The following SRGAP1 variants were observed in gnomAD, a reference collection of about 807,000 sequenced individuals.
SRGAP1 encodes the protein SLIT-ROBO Rho GTPase activating protein 1.
In SRGAP1, 43 loss-of-function variants were observed where a neutral mutation model predicts 121.9. The ratio of observed to expected loss-of-function variants is 0.35; its 90% CI spans 0.28 to 0.46. The LOEUF is 0.46. Ranked by LOEUF, SRGAP1 falls within the 20% of genes least tolerant of loss-of-function variation. The probability of loss-of-function intolerance (pLI) is 1.00; values close to 1 mark genes in which losing one functional copy is unlikely to be tolerated. For missense variants in SRGAP1, 1,102 were observed against 1,350.9 expected (o/e 0.82, Z 2.89); for synonymous variants, 447 against 485.4 (o/e 0.92, Z 1.04).
At chr12:64,003,785 T>G (rs1013090909) in intron 3 of SRGAP1, among the ~76,000 whole-genome samples, 6 of 151,952 alleles carry the variant, frequency 3.9e-5, no homozygotes, top group African/African-American at 1.5e-4. Flanking sequence ...AAATTAAAAC[T>G]AGTTGAAAAA....
At position 64,139,941 on chromosome 12, in the gene SRGAP1, G is replaced by A. The variant is rs1480541999; in HGVS notation, c.2881-2354G>A. 2.2e-3 allele frequency among the ~76,000 whole-genome samples: 339 copies of A among 151,712 alleles called. 1 individual carries two copies. The highest frequency in any genetic ancestry group is 8.1e-3 in the African/African-American group (333 of 41,360). ...GTATAAGGTGTAAGGAAGGGATCCA[G>A]TTTCAGCTTTCTCCATATGGCTAGC... On this transcript the variant is annotated intron_variant, in intron 21 of 21. Coordinates refer to ENST00000355086, the MANE Select transcript of SRGAP1 (RefSeq NM_020762.4).
intron 1 of SRGAP1, among the ~76,000 whole-genome samples, chr12:63,918,415 T>C (rs2030889313): frequency 6.6e-6 from 1 of 152,176 alleles, no homozygotes; most frequent in Admixed American, 6.5e-5. Context: ...TTTTATGCTC[T>C]ATTGCTTTCT....
At chr12:63,928,582 G>T (rs2031348457) in intron 1 of SRGAP1, among the ~76,000 whole-genome samples, 1 of 151,898 alleles carries the variant, frequency 6.6e-6, no homozygotes, top group Non-Finnish European at 1.5e-5. Flanking sequence ...TTGGGTAGTG[G>T]TTACATGCAG....
Position 64,148,573 on chromosome 12 carries a change from T to C in SRGAP1, c.*5901T>C, listed in dbSNP as rs147042598. The C allele has an allele frequency of 2.0e-5, 3 of 152,162 alleles. No homozygotes were observed. Among genetic ancestry groups the C allele is most frequent in the African/African-American group, 7.2e-5 (3 of 41,472 alleles). 9.4% of individuals were successfully genotyped at this position (152,162 alleles called of 1,614,324 possible). On this transcript the variant is annotated 3_prime_UTR_variant, in exon 22 of 22. Coordinates refer to ENST00000355086, the MANE Select transcript of SRGAP1 (RefSeq NM_020762.4). ...GTGCTGGGATTACAGGTGTGAGCCA[T>C]TGCATCTGGCCAGGTATTTTTCTTT...
intron 1 of SRGAP1, among the ~76,000 whole-genome samples, chr12:63,949,396 T>TTTTTTA (rs1340353080): frequency 0.011 from 1,398 of 126,022 alleles, 32 homozygotes; most frequent in African/African-American, 0.041. Context: ...ATTTTTATTA[T>TTTTTTA]TTATTATTAT....
At chr12:64,119,585 CTTAAGT>C (rs918216082) in intron 18 of SRGAP1, among the ~76,000 whole-genome samples, 3 of 151,916 alleles carry the variant, frequency 2.0e-5, no homozygotes, top group Non-Finnish European at 2.9e-5. Context: ...CATTTTCTAA[CTTAAGT>C]TTAAGGCTTA....
chr12:63,981,866 A>G (rs1281416752), intron 1 of SRGAP1, among the ~76,000 whole-genome samples: 1 of 152,208 alleles, frequency 6.6e-6, no homozygotes, highest in Non-Finnish European at 1.5e-5. Flanking sequence ...CTTTGCCGGT[A>G]TGCAAGCCTG....
intron 18 of SRGAP1, among the ~76,000 whole-genome samples, chr12:64,124,026 A>G (rs991211324): frequency 6.6e-6 from 1 of 152,104 alleles, no homozygotes; most frequent in Non-Finnish European, 1.5e-5. Context: ...CAGCCTTGGC[A>G]ATGTAGCAAG....
intron 11 of SRGAP1, among the ~76,000 whole-genome samples, chr12:64,089,643 C>T (rs758466200): frequency 2.0e-5 from 3 of 152,194 alleles, no homozygotes; most frequent in Non-Finnish European, 2.9e-5. Context: ...GGCCAGAACT[C>T]AGTGTATAAA....
chr12:64,080,801 A>C, intron 10 of SRGAP1: 1 of 218,854 alleles, frequency 4.6e-6, no homozygotes, highest in Non-Finnish European at 9.2e-6. Flanking sequence ...GCCTGTTTAG[A>C]CTCTGGAAAC....
intron 1 of SRGAP1, among the ~76,000 whole-genome samples, chr12:63,921,679 T>C (rs1265278074): frequency 6.6e-6 from 1 of 152,178 alleles, no homozygotes; most frequent in Non-Finnish European, 1.5e-5. Flanking sequence ...TCTTAAAGAA[T>C]ATAATTTCAA....
At chr12:64,089,312 A>G (rs922884412) in intron 11 of SRGAP1, among the ~76,000 whole-genome samples, 5 of 152,098 alleles carry the variant, frequency 3.3e-5, no homozygotes, top group Admixed American at 6.5e-5. Context: ...AGCTTCTCCC[A>G]TTCCCTCCAG....
chr12:64,120,781 T>G (rs1385178536), intron 18 of SRGAP1, among the ~76,000 whole-genome samples: 1 of 152,168 alleles, frequency 6.6e-6, no homozygotes, highest in African/African-American at 2.4e-5. Flanking sequence ...AAAAATGCCC[T>G]CAAGGCAAAA....
intron 21 of SRGAP1, among the ~76,000 whole-genome samples, chr12:64,129,110 T>A (rs887267407): frequency 1.4e-4 from 21 of 150,908 alleles, no homozygotes; most frequent in Admixed American, 7.3e-4. Context: ...AAAAAAAAAA[T>A]TTTTTTTTAA....
intron 21 of SRGAP1, among the ~76,000 whole-genome samples, chr12:64,135,291 G>A (rs1193720294): frequency 1.3e-5 from 2 of 152,166 alleles, no homozygotes; most frequent in Admixed American, 6.5e-5. Context: ...GGCTGTGCAT[G>A]TATCTTTCAT....
chr12:63,931,473 C>G (rs549982958), intron 1 of SRGAP1, among the ~76,000 whole-genome samples: 28 of 152,240 alleles, frequency 1.8e-4, no homozygotes, highest in African/African-American at 6.7e-4. Context: ...TTTTTTTTCT[C>G]TTTCCTTTCT....
chr12:63,872,780 C>A (rs890144018), intron 1 of SRGAP1, among the ~76,000 whole-genome samples: 1 of 152,112 alleles, frequency 6.6e-6, no homozygotes, highest in Non-Finnish European at 1.5e-5. Flanking sequence ...CAGTCCATGT[C>A]TTTTTGTGGT....
intron 1 of SRGAP1, among the ~76,000 whole-genome samples, chr12:63,858,843 C>T (rs56133429): frequency 0.12 from 18,982 of 152,064 alleles, 1,803 homozygotes; most frequent in East Asian, 0.41. Flanking sequence ...GCTGGGTTTA[C>T]GGGTGCGTGC....
At chr12:64,011,118 A>G (rs1444817331) in intron 3 of SRGAP1, among the ~76,000 whole-genome samples, 2 of 151,988 alleles carry the variant, frequency 1.3e-5, no homozygotes, top group Admixed American at 1.3e-4. Context: ...GCAGTTTAGG[A>G]CCAGGCTGAA....
Sources: gnomAD v4.1 joint callset for allele counts (sites outside exome capture counted in the v4.1 genomes callset) on GRCh38, gnomAD v4.1.1 for gene constraint, MANE v1.5 for transcripts, NCBI Gene and HGNC (gene_info 2026-07-23, HGNC 2026-07-21) for gene names.